The following AP3S1 variants were observed in gnomAD, a reference collection of about 807,000 sequenced individuals.
The protein encoded by AP3S1 is adaptor related protein complex 3 subunit sigma 1.
A neutral mutation model predicts 21.3 loss-of-function variants in AP3S1; 12 were observed. That is an observed-to-expected ratio of 0.56 (90% confidence interval 0.36 to 0.91). AP3S1 has a LOEUF of 0.91. AP3S1 is among the 40% of genes least tolerant of loss of function. The probability of loss-of-function intolerance (pLI) is 0.01; values close to 1 mark genes in which losing one functional copy is unlikely to be tolerated. For missense variants in AP3S1, 116 were observed against 225.0 expected (o/e 0.52, Z 3.10); for synonymous variants, 48 against 78.4 (o/e 0.61, Z 2.05).
At chr5:115,899,380 C>A (rs1213569097) in intron 4 of AP3S1, among the ~76,000 whole-genome samples, 1 of 152,172 alleles carries the variant, frequency 6.6e-6, no homozygotes, top group African/African-American at 2.4e-5. Context: ...ACAGATTGAA[C>A]AATCAGAAAT....
chr5:115,879,892 G>A (rs536473620), intron 3 of AP3S1, among the ~76,000 whole-genome samples: 2 of 152,210 alleles, frequency 1.3e-5, no homozygotes, highest in African/African-American at 4.8e-5. Flanking sequence ...ACTTGTTATT[G>A]GTCTGGTTCA....
At chr5:115,884,582 A>G (rs926936399) in intron 3 of AP3S1, among the ~76,000 whole-genome samples, 1 of 152,204 alleles carries the variant, frequency 6.6e-6, no homozygotes, top group Non-Finnish European at 1.5e-5. Flanking sequence ...CTCCAACAAC[A>G]ACAACAAGAA....
chr5:115,906,284 A>T (rs1561528899), intron 5 of AP3S1, among the ~76,000 whole-genome samples: 1 of 152,346 alleles, frequency 6.6e-6, no homozygotes, highest in South Asian at 2.1e-4. Flanking sequence ...ATATTTAAAA[A>T]TCAGTCTGGG....
rs1010186405 is a variant in AP3S1, at chr5:115,889,971, A to G, written c.274-5116A>G. 2.0e-5 allele frequency among the ~76,000 whole-genome samples: 3 copies of G among 152,236 alleles called. No homozygotes were observed. In the East Asian group the frequency reaches 5.8e-4, roughly 29 times the overall value. ...CATATACCACCACACACCCTTGAGT[A>G]TGGTTAAAGTTAAAAGATGGATAAC... On this transcript the variant is annotated intron_variant, in intron 3 of 5. Coordinates refer to ENST00000316788, the MANE Select transcript of AP3S1 (RefSeq NM_001284.4).
chr5:115,871,488 A>G (rs1686262169), intron 3 of AP3S1, among the ~76,000 whole-genome samples: 1 of 152,134 alleles, frequency 6.6e-6, no homozygotes, highest in South Asian at 2.1e-4. Flanking sequence ...TAACCCCTCC[A>G]TAATCTCAAT....
At chr5:115,859,580 G>A (rs2112805727) in intron 1 of AP3S1, among the ~76,000 whole-genome samples, 1 of 152,304 alleles carries the variant, frequency 6.6e-6, no homozygotes, top group East Asian at 1.9e-4. Context: ...AGGCTTTCAT[G>A]CCAGCTCTGG....
intron 1 of AP3S1, among the ~76,000 whole-genome samples, chr5:115,859,519 G>T (rs1393118898): frequency 6.6e-6 from 1 of 152,138 alleles, no homozygotes; most frequent in Non-Finnish European, 1.5e-5. Flanking sequence ...CCAATTTCAG[G>T]CTACTGACAT....
chr5:115,889,738 G>A (rs1023385944), intron 3 of AP3S1, among the ~76,000 whole-genome samples: 1 of 152,142 alleles, frequency 6.6e-6, no homozygotes, highest in Admixed American at 6.5e-5. Flanking sequence ...CTACTCAGGT[G>A]TCTGAGGTGG....
At chr5:115,913,261 A>T in intron 5 of AP3S1, 101 bp from the exon 6 acceptor site, 2 of 1,294,438 alleles carry the variant, frequency 1.5e-6, no homozygotes, top group Non-Finnish European at 2.1e-6. Flanking sequence ...TAAGCTTGTT[A>T]TATGAAAATC....
chr5:115,909,857 A>T (rs946516995), intron 5 of AP3S1, among the ~76,000 whole-genome samples: 1 of 152,180 alleles, frequency 6.6e-6, no homozygotes, highest in Non-Finnish European at 1.5e-5. Context: ...TATATATGCT[A>T]TGTTTTTTCC....
At chr5:115,895,277 T>C in intron 4 of AP3S1, 119 bp downstream of exon 4, 2 of 495,882 alleles carry the variant, frequency 4.0e-6, no homozygotes, top group Non-Finnish European at 6.4e-6. Flanking sequence ...CAATTCATAA[T>C]TTTTTTTTTA....
At chr5:115,879,970 C>G (rs1749126304) in intron 3 of AP3S1, among the ~76,000 whole-genome samples, 1 of 152,134 alleles carries the variant, frequency 6.6e-6, no homozygotes, top group Non-Finnish European at 1.5e-5. Context: ...TCCATTTCTT[C>G]TAGATTTTCT....
At position 115,899,201 on chromosome 5, in the gene AP3S1, C is replaced by T. The variant is rs1418981515; in HGVS notation, c.346-3684C>T. On this transcript the variant is annotated intron_variant, in intron 4 of 5. Transcript: ENST00000316788. ...AGAGTGCTTTCTTCCAACCTGGTCC[C>T]TCTTGAGGATTTGGACAGCCTGGTC... Among the ~76,000 whole-genome samples the T allele has an allele frequency of 3.9e-5, 6 of 152,162 alleles. No individual in the cohort carries two copies. In the South Asian group the frequency reaches 8.3e-4, roughly 21 times the overall value.
At chr5:115,897,607 G>T (rs1201804214) in intron 4 of AP3S1, among the ~76,000 whole-genome samples, 2 of 151,846 alleles carry the variant, frequency 1.3e-5, no homozygotes, top group Non-Finnish European at 2.9e-5. Context: ...TGTCACCCAG[G>T]CTGGAGTGTA....
chr5:115,902,306 A>T (rs759951879), intron 4 of AP3S1, among the ~76,000 whole-genome samples: 4 of 152,216 alleles, frequency 2.6e-5, no homozygotes, highest in Non-Finnish European at 2.9e-5. Context: ...ATTTTTAGTC[A>T]TTGTAAGATG....
rs1374559422 is a variant in AP3S1, at chr5:115,889,584, T to C, written c.274-5503T>C. Among the ~76,000 whole-genome samples the C allele has an allele frequency of 3.3e-5, 5 of 152,314 alleles. No homozygotes were observed. The East Asian group carries it at 9.6e-4, about 29-fold the overall frequency. On this transcript the variant is annotated intron_variant, in intron 3 of 5. Transcript: ENST00000316788. ...TTATTGGAATGGAAAAATTCTGTTCTTCCAAGGGCACTGTTAGGAGAATGA... is the reference window on the plus strand; with the variant it reads ...TTATTGGAATGGAAAAATTCTGTTCCTCCAAGGGCACTGTTAGGAGAATGA...
intron 4 of AP3S1, among the ~76,000 whole-genome samples, 198 bp downstream of exon 4, chr5:115,895,356 G>A (rs1004250105): frequency 1.4e-4 from 21 of 152,130 alleles, no homozygotes; most frequent in African/African-American, 5.1e-4. Context: ...ACATCGAAGG[G>A]TGGAAACAAC....
chr5:115,873,358 G>A (rs931010317), intron 3 of AP3S1, among the ~76,000 whole-genome samples: 1 of 152,108 alleles, frequency 6.6e-6, no homozygotes, highest in African/African-American at 2.4e-5. Flanking sequence ...CACTTGTTTT[G>A]ATATTAGATA....
intron 3 of AP3S1, among the ~76,000 whole-genome samples, chr5:115,886,350 C>T (rs1038783993): frequency 6.6e-6 from 1 of 152,016 alleles, no homozygotes; most frequent in African/African-American, 2.4e-5. Context: ...CCCATTCCAC[C>T]TCCTCCACTT....
Sources: gnomAD v4.1 joint callset for allele counts (sites outside exome capture counted in the v4.1 genomes callset) on GRCh38, gnomAD v4.1.1 for gene constraint, MANE v1.5 for transcripts, NCBI Gene and HGNC (gene_info 2026-07-23, HGNC 2026-07-21) for gene names.